Variants in RASAL3 observed in about 807,000 individuals in gnomAD.
RASAL3 encodes the protein RAS protein activator like 3, also known as RAS protein activator like-3.
In RASAL3, 74 loss-of-function variants were observed where a neutral mutation model predicts 105.5. That is an observed-to-expected ratio of 0.70 (90% CI 0.58 to 0.85). RASAL3 has a LOEUF of 0.85. Among genes scored for constraint, RASAL3 ranks in the 40% least tolerant of loss-of-function variants. The pLI is 0.00. For synonymous variants in RASAL3, 579 were observed against 591.6 expected (o/e 0.98, Z 0.31); for missense variants, 1,352 against 1,392.0 (o/e 0.97, Z 0.46).
At chr19:15,462,485 CAAAACA>C (rs148793585) in intron 2 of RASAL3, among the ~76,000 whole-genome samples, 4 of 149,498 alleles carry the variant, frequency 2.7e-5, no homozygotes, top group Admixed American at 1.3e-4. Context: ...GACTGTGTCT[CAAAACA>C]AAAACAAAAA....
rs747115607 is a variant in RASAL3, at chr19:15,453,977, C to T, written c.2279+172G>A. 6.6e-6 allele frequency among the ~76,000 whole-genome samples: 1 copy of T among 152,152 alleles called. No individual in the cohort carries two copies. The highest frequency in any genetic ancestry group is 6.5e-5 in the Admixed American group (1 of 15,270). ...CCACCCTAACCTCTCCTCTCATCCC[C>T]GACCTCAAACACACTGTGACCTTTG... is the stretch of plus-strand genomic sequence containing the variant. On this transcript the variant is annotated intron_variant, in intron 14 of 17. Coordinates refer to ENST00000343625, the MANE Select transcript of RASAL3 (RefSeq NM_022904.3). The surrounding 1 kb of genome is among the most constrained non-coding windows in gnomAD (Gnocchi z 4.2).
rs1416501280 is a variant in RASAL3 at position 15,456,583 on chromosome 19, A to T, written c.1495T>A (p.Phe499Ile). Residue 499 changes from phenylalanine to isoleucine, a missense_variant, in exon 10 of 18, where the codon TTC (phenylalanine) becomes ATC (isoleucine). Phe to Ile is a conservative substitution (Grantham distance 21, BLOSUM62 0). Coordinates refer to ENST00000343625, the MANE Select transcript of RASAL3 (RefSeq NM_022904.3). The surrounding 1 kb of genome is among the most constrained non-coding windows in gnomAD (Gnocchi z 4.4). Reference sequence around the variant, plus strand: ...TTGGTGGCCAATGTGTTTTCCCGGAACAGCAGCGCCTCACGGCCTCCACAG... The same window carrying T: ...TTGGTGGCCAATGTGTTTTCCCGGATCAGCAGCGCCTCACGGCCTCCACAG... ...ARCGGREALLFRENTLATKAI... is the reference protein window; with the variant it reads ...ARCGGREALLIRENTLATKAI... The T allele has an allele frequency of 6.2e-7, 1 of 1,613,756 alleles. No individual in the cohort carries two copies. Among genetic ancestry groups the T allele is most frequent in the African/African-American group, 1.3e-5 (1 of 75,066 alleles).
chr19:15,452,779 C>G lies in RASAL3; in HGVS notation c.2707G>C (p.Glu903Gln), dbSNP rs1285483565. Residue 903 changes from glutamate (E) to glutamine (Q), a missense_variant, in exon 16 of 18, where the codon GAG (glutamate) becomes CAG (glutamine). Around this residue, in one of 3 missense-constraint regions of RASAL3, gnomAD observed 920 missense variants for 919.6 expected, o/e 1.00. Transcript: ENST00000343625. ...ELQCEVAALR[E>Q]EQKVLSRLVE... ...AGGCGGGACAGCACTTTCTGCTCCTCACGCAGAGCGGCCACCTCGCACTGC... is the reference window on the plus strand; with the variant it reads ...AGGCGGGACAGCACTTTCTGCTCCTGACGCAGAGCGGCCACCTCGCACTGC... The G allele has an allele frequency of 6.4e-7, 1 of 1,564,584 alleles. No homozygotes were observed. Among genetic ancestry groups the G allele is most frequent in the Admixed American group, 1.9e-5 (1 of 53,310 alleles).
At position 15,457,388 on chromosome 19, in the gene RASAL3, G is replaced by A; in HGVS notation, c.1335C>T (p.Arg445=). The A allele has an allele frequency of 6.9e-7, 1 of 1,449,930 alleles. No homozygotes were observed. Among genetic ancestry groups the A allele is most frequent in the Non-Finnish European group, 9.0e-7 (1 of 1,106,534 alleles). The allele number at this position is 1,449,930 out of a possible 1,614,324, so 89.8% of individuals were successfully genotyped here. A position where few individuals can be genotyped will look rare whatever the true frequency, so the allele number is the denominator to read the frequency against. ...GCGCGGGCTCCAGGGCCCCGCAGAG[G>A]CGCGCATAGTGGAAGGTGAGGAACT... ...LAEFLTFHYA[R]LCGALEPALP... The change falls in exon 9 of 18, where the codon CGC becomes CGT. Residue 445 remains arginine (R), a synonymous_variant. Coordinates refer to ENST00000343625, the MANE Select transcript of RASAL3 (RefSeq NM_022904.3). The surrounding 1 kb of genome is among the most constrained non-coding windows in gnomAD (Gnocchi z 8.6).
chr19:15,458,619 GGCCAGC>G lies in RASAL3; in HGVS notation c.693_698del (p.Leu232_Ala233del). 6.2e-7 allele frequency: 1 copy of G among 1,613,636 alleles called. No individual in the cohort carries two copies. ...CACCCAGGTCCAGTTCAGAGAGTGT[GGCCAGC>G]GACTCCCTAGAGCCCAGAGCACTGG... On this transcript the variant is annotated inframe_deletion, in exon 7 of 18. Coordinates refer to ENST00000343625, the MANE Select transcript of RASAL3 (RefSeq NM_022904.3).
At position 15,451,774 on chromosome 19, in the gene RASAL3, T is replaced by A; in HGVS notation, c.*21A>T. 1 of 1,577,176 alleles carries A rather than the reference T, an allele frequency of 6.3e-7. No homozygotes were observed. The highest frequency in any genetic ancestry group is 1.3e-5 in the African/African-American group (1 of 74,266). ...TATCTCTCTGCTCCCAGACCACGTG[T>A]GATGAGGCAGGATGGGCAGCTCAGG... On this transcript the variant is annotated 3_prime_UTR_variant, in exon 18 of 18. Coordinates refer to ENST00000343625, the MANE Select transcript of RASAL3 (RefSeq NM_022904.3).
chr19:15,460,517 A>T (rs980040784), intron 5 of RASAL3, among the ~76,000 whole-genome samples: 1 of 152,068 alleles, frequency 6.6e-6, no homozygotes, highest in Admixed American at 6.6e-5. Flanking sequence ...TTCTGGGCTC[A>T]AGTGATCCTC....
In RASAL3 at chr19:15,456,072, G is replaced by C; in HGVS notation, c.1721+32C>G. The C allele has an allele frequency of 6.2e-7, 1 of 1,606,358 alleles. No individual in the cohort carries two copies. Among genetic ancestry groups the C allele is most frequent in the South Asian group, 1.1e-5 (1 of 90,708 alleles). On this transcript the variant is annotated intron_variant, in intron 11 of 17. Transcript: ENST00000343625. The surrounding 1 kb of genome is among the most constrained non-coding windows in gnomAD (Gnocchi z 4.4). The stretch of plus-strand genomic sequence containing the variant: ...GTCGGGGCTAGCATGGTAAGCAGGG[G>C]TGGGCTAAGCTGCTGGGGCCCTGAT...
rs1970197848 is a variant in RASAL3 at position 15,452,759 on chromosome 19, G to A, written c.2727C>T (p.Ser909=). ...GGGTGCTCAGCGACTCCACGAGGCG[G>A]GACAGCACTTTCTGCTCCTCACGCA... ...AALREEQKVL[S]RLVESLSTQI... is the part of the protein sequence containing the mutation. The change falls in exon 16 of 18, where the codon TCC becomes TCT. Residue 909 remains serine, a synonymous_variant. Coordinates refer to ENST00000343625, the MANE Select transcript of RASAL3 (RefSeq NM_022904.3). The A allele has an allele frequency of 1.9e-6, 3 of 1,562,968 alleles. No homozygotes were observed. Among genetic ancestry groups the A allele is most frequent in the Non-Finnish European group, 2.6e-6 (3 of 1,153,286 alleles).
At position 15,457,625 on chromosome 19, in the gene RASAL3, C is replaced by T; in HGVS notation, c.1098G>A (p.Leu366=). The part of the protein sequence containing the change: ...HFEALPPARR[L]SLRLRGLGPG... Reference sequence around the variant, plus strand: ...GGCCCAAGCCGCGCAGCCGCAGCGACAGGCGACGTGCCGGTGGCAGCGCCT... The same window carrying T: ...GGCCCAAGCCGCGCAGCCGCAGCGATAGGCGACGTGCCGGTGGCAGCGCCT... The change falls in exon 9 of 18, where the codon CTG becomes CTA. Residue 366 remains leucine (L), a synonymous_variant. Coordinates refer to ENST00000343625, the MANE Select transcript of RASAL3 (RefSeq NM_022904.3). This position sits in a 1 kb window ranked among gnomAD's most constrained non-coding sequence, Gnocchi z 8.6. 1 of 1,395,346 alleles carries T rather than the reference C, an allele frequency of 7.2e-7. No individual in the cohort carries two copies. The highest frequency in any genetic ancestry group is 9.3e-7 in the Non-Finnish European group (1 of 1,073,132). The allele number at this position is 1,395,346 out of a possible 1,614,324, so 86.4% of individuals were successfully genotyped here.
At chr19:15,463,136 A>C (rs1178616290) in intron 2 of RASAL3, among the ~76,000 whole-genome samples, 1 of 141,614 alleles carries the variant, frequency 7.1e-6, no homozygotes, top group African/African-American at 2.7e-5. Flanking sequence ...CCCAGGCGGG[A>C]GTGCAGTAGT....
At position 15,453,330 on chromosome 19, in the gene RASAL3, C is replaced by A. The variant is rs756125499; in HGVS notation, c.2447G>T (p.Arg816Leu). ...RPLRRPRPVQRTQSVPVRRPA... is the reference protein window; with the variant it reads ...RPLRRPRPVQLTQSVPVRRPA... ...ACGCCGGACCGGGACACTCTGCGTG[C>A]GCTGCACCGGCCGGGGCCGCCGCAG... Residue 816 changes from arginine (R) to leucine (L), a missense_variant, in exon 15 of 18, where the codon CGC (arginine) becomes CTC (leucine). Physicochemically the swap from Arg to Leu is moderately radical, Grantham distance 102. Coordinates refer to ENST00000343625, the MANE Select transcript of RASAL3 (RefSeq NM_022904.3). The surrounding 1 kb of genome is among the most constrained non-coding windows in gnomAD (Gnocchi z 4.2). 13 of 1,443,474 alleles carry A rather than the reference C, an allele frequency of 9.0e-6. No homozygotes were observed. The highest frequency in any genetic ancestry group is 1.1e-5 in the Non-Finnish European group (12 of 1,105,700). The allele number at this position is 1,443,474 out of a possible 1,614,324, so 89.4% of individuals were successfully genotyped here.
intron 14 of RASAL3, 95 bp downstream of exon 14, chr19:15,454,054 C>G (rs1362468309): frequency 3.4e-6 from 3 of 894,918 alleles, no homozygotes; most frequent in African/African-American, 3.4e-5. Context: ...GGCTTGACCT[C>G]TGCTCACAAT....
At chr19:15,454,603 G>A in intron 12 of RASAL3, 41 bp from the exon 13 acceptor site, 5 of 1,611,592 alleles carry the variant, frequency 3.1e-6, no homozygotes, top group Non-Finnish European at 4.2e-6. Flanking sequence ...TCAGGCACCT[G>A]CCACCCCCAC....
rs1198855491 is a variant in RASAL3, at chr19:15,457,774, G to C, written c.949C>G (p.Pro317Ala). ...SVWVHEAKGL[P>A]RAAAGAPGVR... is the part of the protein sequence containing the mutation. ...CCGGGTGCCCCCGCCGCTGCTCGGGGAAGCCCCTTCGCTTCGTGCACCCAC... is the reference window on the plus strand; with the variant it reads ...CCGGGTGCCCCCGCCGCTGCTCGGGCAAGCCCCTTCGCTTCGTGCACCCAC... Residue 317 changes from proline to alanine, a missense_variant, in exon 9 of 18, where the codon CCC becomes GCC. By Grantham distance (27) the Pro-to-Ala change is conservative. Transcript: ENST00000343625. The surrounding 1 kb of genome is among the most constrained non-coding windows in gnomAD (Gnocchi z 8.6). The C allele has an allele frequency of 6.5e-7, 1 of 1,547,648 alleles. No homozygotes were observed. The highest frequency in any genetic ancestry group is 8.7e-7 in the Non-Finnish European group (1 of 1,146,432).
At position 15,461,602 on chromosome 19, in the gene RASAL3, C is replaced by T; in HGVS notation, c.334G>A (p.Glu112Lys). The T allele has an allele frequency of 2.6e-6, 4 of 1,530,732 alleles. No homozygotes were observed. The highest frequency in any genetic ancestry group is 3.5e-6 in the Non-Finnish European group (4 of 1,144,598). 94.8% of individuals were successfully genotyped at this position (1,530,732 alleles called of 1,614,324 possible). ...PEPEQEAPEL[E>K]PEPELEPPTP... ...GGGGGCTCCAGCTCTGGCTCCGGCT[C>T]CAGCTCTGGGAAGAAGAGGAGGCAC... is the stretch of plus-strand genomic sequence containing the variant. Residue 112 changes from glutamate (E) to lysine (K), a missense_variant, in exon 3 of 18, where the codon GAG becomes AAG. Glu to Lys is a moderately conservative substitution (Grantham distance 56). Coordinates refer to ENST00000343625, the MANE Select transcript of RASAL3 (RefSeq NM_022904.3).
chr19:15,457,192 C>A lies in RASAL3; in HGVS notation c.1431+100G>T. 9.9e-7 allele frequency: 1 copy of A among 1,012,786 alleles called. No individual in the cohort carries two copies. The highest frequency in any genetic ancestry group is 1.3e-6 in the Non-Finnish European group (1 of 785,474). 62.7% of individuals were successfully genotyped at this position (1,012,786 alleles called of 1,614,324 possible). ...TCACACCCCTTCAAGGTGTCTCCCC[C>A]ATTACAGGTGCAACTCAGGTCCTGC... On this transcript the variant is annotated intron_variant, in intron 9 of 17. Coordinates refer to ENST00000343625, the MANE Select transcript of RASAL3 (RefSeq NM_022904.3). The surrounding 1 kb of genome is among the most constrained non-coding windows in gnomAD (Gnocchi z 8.6).
At chr19:15,458,785 A>ACCCCCCCCCCCCCCCCCCCCC (rs531818545) in intron 6 of RASAL3, 130 bp from the exon 7 acceptor site, 1 of 1,090,674 alleles carries the variant, frequency 9.2e-7, no homozygotes, top group Admixed American at 3.1e-5. Context: ...TGCCCCCCCC[A>ACCCCCCCCCCCCCCCCCCCCC]CCCCCCGCCA....
At position 15,456,794 on chromosome 19, in the gene RASAL3, C is replaced by T. The variant is rs4580316; in HGVS notation, c.1432-148G>A. ...AGTCCTTACTGCTGGGGCTCATAAC[C>T]GAGGCCGGAACCTCTAACCCTCACA... On this transcript the variant is annotated intron_variant, in intron 9 of 17. Coordinates refer to ENST00000343625, the MANE Select transcript of RASAL3 (RefSeq NM_022904.3). The surrounding 1 kb of genome is among the most constrained non-coding windows in gnomAD (Gnocchi z 4.4). 0.011 allele frequency: 10,557 copies of T among 986,724 alleles called. 85 individuals carry two copies. The highest frequency in any genetic ancestry group is 0.014 in the Non-Finnish European group (9,248 of 681,700). 61.1% of individuals were successfully genotyped at this position (986,724 alleles called of 1,614,324 possible).
Sources: gnomAD v4.1 joint callset for allele counts (sites outside exome capture counted in the v4.1 genomes callset) on GRCh38, gnomAD v4.1.1 for gene constraint, gnomAD v4.1.1 regional missense constraint, Gnocchi (gnomAD v3.1) non-coding constraint, MANE v1.5 for transcripts, NCBI Gene and HGNC (gene_info 2026-07-23, HGNC 2026-07-21) for gene names.